Variants in RALGPS1 observed in about 807,000 individuals in gnomAD.
RALGPS1 encodes the protein ras-specific guanine nucleotide-releasing factor RalGPS1.
A neutral mutation model predicts 78.8 loss-of-function variants in RALGPS1; 19 were observed. That is an observed-to-expected ratio of 0.24 (90% CI 0.17 to 0.35). RALGPS1 has a LOEUF of 0.35. RALGPS1 is among the 10% of genes least tolerant of loss of function. The pLI is 1.00. For synonymous variants in RALGPS1, 228 were observed against 256.3 expected, an observed-to-expected ratio of 0.89 and a Z score of 1.06; for missense variants, 454 against 688.3, an observed-to-expected ratio of 0.66 and a Z score of 3.81.
chr9:127,135,873 TTCAAATAAAG>T (rs770024067), intron 8 of RALGPS1, among the ~76,000 whole-genome samples: 4 of 152,150 alleles, frequency 2.6e-5, no homozygotes, highest in Non-Finnish European at 5.9e-5. Flanking sequence ...GAGTCAAGTT[TTCAAATAAAG>T]AGAACCAAGT....
chr9:127,128,556 C>G (rs2056790297), intron 8 of RALGPS1, among the ~76,000 whole-genome samples: 1 of 152,230 alleles, frequency 6.6e-6, no homozygotes, highest in African/African-American at 2.4e-5. Flanking sequence ...GGTCAGCTGG[C>G]CTTGGAAAGG....
intron 1 of RALGPS1, among the ~76,000 whole-genome samples, chr9:126,941,686 C>T (rs1466898884): frequency 1.3e-5 from 2 of 151,892 alleles, no homozygotes; most frequent in Non-Finnish European, 2.9e-5. Flanking sequence ...TATATACTAG[C>T]TTTTCAGGAA....
chr9:126,962,449 A>G, intron 2 of RALGPS1, 103 bp downstream of exon 2: 1 of 1,186,162 alleles, frequency 8.4e-7, no homozygotes. Context: ...GGCTCTGTGA[A>G]TACCACCATT....
At chr9:127,217,142 G>T in intron 18 of RALGPS1, 1 of 1,296,810 alleles carries the variant, frequency 7.7e-7, no homozygotes, top group Non-Finnish European at 9.8e-7. Flanking sequence ...ATCCAGCAGA[G>T]CACTAATGGG....
intron 8 of RALGPS1, among the ~76,000 whole-genome samples, chr9:127,154,722 G>A (rs978968788): frequency 2.6e-5 from 4 of 152,128 alleles, no homozygotes; most frequent in Non-Finnish European, 5.9e-5. Flanking sequence ...TATTATTTTT[G>A]TTATACTTAA....
intron 1 of RALGPS1, among the ~76,000 whole-genome samples, chr9:126,939,197 C>T (rs2036534648): frequency 1.3e-5 from 2 of 152,212 alleles, no homozygotes; most frequent in Admixed American, 6.5e-5. Context: ...CACCTTCTCT[C>T]CTTCCAGTCC....
intron 2 of RALGPS1, among the ~76,000 whole-genome samples, chr9:126,962,559 AAAAC>A (rs1379110978): frequency 6.6e-6 from 1 of 152,248 alleles, no homozygotes; most frequent in Non-Finnish European, 1.5e-5. Context: ...TCTTCAAAGA[AAAAC>A]AAATACCTGC....
intron 8 of RALGPS1, among the ~76,000 whole-genome samples, chr9:127,164,107 G>C (rs1189716274): frequency 6.6e-6 from 1 of 151,860 alleles, no homozygotes; most frequent in African/African-American, 2.4e-5. Flanking sequence ...GATGTAGTAA[G>C]GTCAATGAAA....
intron 7 of RALGPS1, among the ~76,000 whole-genome samples, chr9:127,066,706 A>C (rs2049741013): frequency 6.6e-6 from 1 of 152,192 alleles, no homozygotes; most frequent in South Asian, 2.1e-4. Context: ...TTCTGGTCTG[A>C]GTATATATTG....
chr9:127,206,198 C>T (rs960878824), intron 14 of RALGPS1, among the ~76,000 whole-genome samples: 7 of 152,224 alleles, frequency 4.6e-5, no homozygotes, highest in Non-Finnish European at 1.0e-4. Flanking sequence ...CACCTGGGCC[C>T]TTCCACATGT....
At chr9:127,002,991 T>G (rs1295316271) in intron 4 of RALGPS1, among the ~76,000 whole-genome samples, 1 of 152,162 alleles carries the variant, frequency 6.6e-6, no homozygotes, top group Non-Finnish European at 1.5e-5. Flanking sequence ...CAAATGGTAT[T>G]TCTAGTTCTA....
intron 8 of RALGPS1, among the ~76,000 whole-genome samples, chr9:127,155,416 A>AG (rs1262171110): frequency 6.6e-6 from 1 of 152,150 alleles, no homozygotes; most frequent in Non-Finnish European, 1.5e-5. Flanking sequence ...CACAGAGGGA[A>AG]GGGGAGGAAA....
chr9:126,919,065 G>A (rs1003665028), intron 1 of RALGPS1, among the ~76,000 whole-genome samples: 1 of 152,166 alleles, frequency 6.6e-6, no homozygotes, highest in African/African-American at 2.4e-5. Flanking sequence ...CCTAGAGGCA[G>A]CCACTGTTAC....
chr9:126,939,758 T>C lies in RALGPS1; in HGVS notation c.-65-22467T>C, dbSNP rs149996862. ...AATGGGATAGACATGACCCTCGCTT[T>C]ACAGAGCTCTTATGGTTGAGCAGGG... On this transcript the variant is annotated intron_variant, in intron 1 of 18. Transcript: ENST00000259351. 3.5e-3 allele frequency among the ~76,000 whole-genome samples: 536 copies of C among 152,312 alleles called. 3 individuals carry two copies. Among genetic ancestry groups the C allele is most frequent in the Non-Finnish European group, 5.7e-3 (388 of 68,028 alleles).
chr9:127,018,672 A>ATAATAATAATAG (rs1564426238), intron 4 of RALGPS1, among the ~76,000 whole-genome samples: 1 of 150,726 alleles, frequency 6.6e-6, no homozygotes, highest in Non-Finnish European at 1.5e-5. Flanking sequence ...AATAATAATA[A>ATAATAATAATAG]TAATAATAAC....
chr9:127,211,492 G>A lies in RALGPS1; in HGVS notation c.1248-639G>A, dbSNP rs369175698. ...GAGAGGAAGAAAATCCCCGCTTTCTGGCTGAAGCAGCCAGTAGGGGGTGGT... is the reference window on the plus strand; with the variant it reads ...GAGAGGAAGAAAATCCCCGCTTTCTAGCTGAAGCAGCCAGTAGGGGGTGGT... On this transcript the variant is annotated intron_variant, in intron 14 of 18. Coordinates refer to ENST00000259351, the MANE Select transcript of RALGPS1 (RefSeq NM_014636.3). This position sits in a 1 kb window ranked among gnomAD's most constrained non-coding sequence, Gnocchi z 5.0. 1.8e-4 allele frequency among the ~76,000 whole-genome samples: 27 copies of A among 152,300 alleles called. No homozygotes were observed. Among genetic ancestry groups the A allele is most frequent in the African/African-American group, 6.5e-4 (27 of 41,546 alleles).
chr9:127,018,924 G>T (rs1363596030), intron 4 of RALGPS1, among the ~76,000 whole-genome samples: 1 of 152,176 alleles, frequency 6.6e-6, no homozygotes, highest in African/African-American at 2.4e-5. Context: ...TGTTGTATAT[G>T]TGGTCCATTG....
chr9:127,034,306 G>C, intron 4 of RALGPS1, 125 bp from the exon 5 acceptor site: 1 of 803,112 alleles, frequency 1.2e-6, no homozygotes, highest in Non-Finnish European at 2.1e-6. Flanking sequence ...ACCTAGTAAA[G>C]ATGGGAACAG....
intron 4 of RALGPS1, among the ~76,000 whole-genome samples, chr9:127,006,495 T>C (rs1447460912): frequency 6.6e-6 from 1 of 152,166 alleles, no homozygotes; most frequent in African/African-American, 2.4e-5. Context: ...AAAAGGCAGG[T>C]TGACCAAATG....
Sources: allele counts gnomAD v4.1 joint callset (sites outside exome capture counted in the v4.1 genomes callset), GRCh38; gene constraint gnomAD v4.1.1; non-coding constraint Gnocchi (gnomAD v3.1); transcripts MANE v1.5; gene names NCBI Gene and HGNC (gene_info 2026-07-23, HGNC 2026-07-21).